PPP1R12B: variants seen among roughly 807,000 people sequenced by gnomAD.
PPP1R12B encodes myosin phosphatase target subunit 2.
PPP1R12B carries 76 observed loss-of-function variants against 126.1 expected under a neutral mutation model. The observed-to-expected ratio is 0.60, with a 90% CI of 0.50 to 0.73. The LOEUF is 0.73. Ranked by LOEUF, PPP1R12B falls within the 30% of genes least tolerant of loss-of-function variation. PPP1R12B has a pLI of 0.00. For synonymous variants in PPP1R12B, 356 were observed against 434.7 expected (o/e 0.82, Z 2.25); for missense variants, 1,052 against 1,205.1 (o/e 0.87, Z 1.88).
chr1:202,502,241 A>G, intron 18 of PPP1R12B: 3 of 984,412 alleles, frequency 3.0e-6, no homozygotes, highest in Non-Finnish European at 3.6e-6. Context: ...TTACTAAATT[A>G]TAGATATCAA....
chr1:202,506,226 T>C (rs981502770), intron 18 of PPP1R12B, among the ~76,000 whole-genome samples: 1 of 152,228 alleles, frequency 6.6e-6, no homozygotes, highest in African/African-American at 2.4e-5. Flanking sequence ...TTCCTCTCAC[T>C]GTACATTTGC....
At chr1:202,409,601 TGACCCAC>T (rs377689875) in intron 1 of PPP1R12B, among the ~76,000 whole-genome samples, 2 of 152,222 alleles carry the variant, frequency 1.3e-5, no homozygotes, top group African/African-American at 4.8e-5. Flanking sequence ...ATTACAGGTG[TGACCCAC>T]AACGCCCAGC....
chr1:202,572,922 T>G (rs1056778644), intron 23 of PPP1R12B, among the ~76,000 whole-genome samples: 2 of 152,212 alleles, frequency 1.3e-5, no homozygotes, highest in Non-Finnish European at 2.9e-5. Flanking sequence ...TTGACCAGAT[T>G]GTTTCCTGCC....
intron 1 of PPP1R12B, among the ~76,000 whole-genome samples, chr1:202,401,918 T>A (rs191683338): frequency 3.9e-3 from 595 of 152,328 alleles, no homozygotes; most frequent in Non-Finnish European, 5.4e-3. Context: ...TAACACACAC[T>A]CTTTCCTTAA....
intron 14 of PPP1R12B, among the ~76,000 whole-genome samples, chr1:202,490,215 A>C (rs1678677402): frequency 6.6e-6 from 1 of 152,230 alleles, no homozygotes. Context: ...AGCAGCATGG[A>C]AGTGAATGAA....
At position 202,431,682 on chromosome 1, in the gene PPP1R12B, G is replaced by A. The variant is rs16849974; in HGVS notation, c.1141+63G>A. The A allele has an allele frequency of 1.0e-3, 1,497 of 1,478,800 alleles. 9 individuals carry two copies. In the African/African-American group the frequency reaches 0.016, roughly 16 times the overall value. 91.6% of individuals were successfully genotyped at this position (1,478,800 alleles called of 1,614,324 possible). On this transcript the variant is annotated intron_variant, in intron 8 of 23. Coordinates refer to ENST00000608999, the MANE Select transcript of PPP1R12B (RefSeq NM_002481.4). ...CCATAGTGTAAGAAGATTACTCCTTGTCAGAGAGCTAGCCAGGCCTCACAG... is the reference window on the plus strand; with the variant it reads ...CCATAGTGTAAGAAGATTACTCCTTATCAGAGAGCTAGCCAGGCCTCACAG...
rs552381159 is a variant in PPP1R12B at position 202,434,689 on chromosome 1, A to G, written c.1175A>G (p.Asn392Ser). 2.5e-6 allele frequency: 4 copies of G among 1,613,476 alleles called. No individual in the cohort carries two copies. The Admixed American group carries it at 5.0e-5, about 20-fold the overall frequency. ...KKPEAFVNHS[N>S]SESKSSITEQ... is the part of the protein sequence containing the mutation. ...CCAGAAGCCTTTGTCAATCATTCCA[A>G]CTCTGAAAGCAAGAGTAGTATCACA... is the stretch of plus-strand genomic sequence containing the variant. Residue 392 changes from asparagine to serine, a missense_variant, in exon 9 of 24, where the codon AAC (asparagine) becomes AGC (serine). Transcript: ENST00000608999.
chr1:202,563,767 T>G (rs1011212773), intron 20 of PPP1R12B, among the ~76,000 whole-genome samples: 3 of 152,166 alleles, frequency 2.0e-5, no homozygotes, highest in Non-Finnish European at 4.4e-5. Context: ...AAAAACTATT[T>G]TTGTAAAGAA....
Position 202,361,820 on chromosome 1 carries a change from A to G in PPP1R12B, c.291+12678A>G, listed in dbSNP as rs1053734390. Among the ~76,000 whole-genome samples the G allele has an allele frequency of 5.3e-5, 8 of 152,204 alleles. No individual in the cohort carries two copies. In the South Asian group the frequency reaches 6.2e-4, roughly 12 times the overall value. ...GAGACCTGCTTTATAAGAGATAGGA[A>G]GAGTGTCCATTCTAGCTACATCAGT... is the stretch of plus-strand genomic sequence containing the variant. On this transcript the variant is annotated intron_variant, in intron 1 of 23. Transcript: ENST00000608999.
intron 1 of PPP1R12B, among the ~76,000 whole-genome samples, chr1:202,365,701 C>T (rs1473378866): frequency 1.3e-5 from 2 of 152,152 alleles, no homozygotes; most frequent in Non-Finnish European, 2.9e-5. Context: ...CCTGGCTCAC[C>T]TCTCCATTTA....
At chr1:202,401,390 T>TTG (rs1665824727) in intron 1 of PPP1R12B, among the ~76,000 whole-genome samples, 3 of 140,114 alleles carry the variant, frequency 2.1e-5, no homozygotes, top group Non-Finnish European at 4.5e-5. Flanking sequence ...TTTTTTTTTT[T>TTG]GTAGAGATAG....
rs1167254509 is a variant in PPP1R12B, at chr1:202,583,885, A to G, written c.*3325A>G. 6.6e-6 allele frequency: 1 copy of G among 152,226 alleles called. No individual in the cohort carries two copies. The highest frequency in any genetic ancestry group is 2.4e-5 in the African/African-American group (1 of 41,462). 9.4% of individuals were successfully genotyped at this position (152,226 alleles called of 1,614,324 possible). ...ATGAAATATCAGAATGGGAAAGAGA[A>G]TGTTCCTGGTAAAACTCTGTTTTCA... On this transcript the variant is annotated 3_prime_UTR_variant, in exon 24 of 24. Transcript: ENST00000608999.
chr1:202,448,006 T>C (rs1005899069), intron 12 of PPP1R12B, among the ~76,000 whole-genome samples: 18 of 152,244 alleles, frequency 1.2e-4, no homozygotes, highest in African/African-American at 4.1e-4. Flanking sequence ...CTAGGTACCA[T>C]ATTTATATTT....
Position 202,434,652 on chromosome 1 carries a change from A to G in PPP1R12B, c.1142-4A>G, listed in dbSNP as rs113901561. The G allele has an allele frequency of 1.3e-4, 210 of 1,607,558 alleles. No homozygotes were observed. The African/African-American group carries it at 1.8e-3, about 14-fold the overall frequency. Reference sequence around the variant, plus strand: ...CTTGTTAATTCTCTTGTCTTAAATAACAGATAAAAAGCCAGAAGCCTTTGT... The same window carrying G: ...CTTGTTAATTCTCTTGTCTTAAATAGCAGATAAAAAGCCAGAAGCCTTTGT... On this transcript the variant is annotated splice_polypyrimidine_tract_variant and splice_region_variant and intron_variant, in intron 8 of 23. Transcript: ENST00000608999.
intron 1 of PPP1R12B, among the ~76,000 whole-genome samples, chr1:202,414,306 C>T (rs1667785708): frequency 6.6e-6 from 1 of 152,198 alleles, no homozygotes; most frequent in African/African-American, 2.4e-5. Flanking sequence ...AAACTGAAAC[C>T]ATGTCAATGG....
chr1:202,535,065 G>A (rs1684402737), intron 18 of PPP1R12B, among the ~76,000 whole-genome samples: 1 of 151,986 alleles, frequency 6.6e-6, no homozygotes, highest in Non-Finnish European at 1.5e-5. Context: ...ATGTGTGTGT[G>A]TGTGTGTGTG....
chr1:202,493,051 G>C (rs192800704), intron 14 of PPP1R12B, 63 bp from the exon 15 acceptor site: 1 of 1,526,048 alleles, frequency 6.6e-7, no homozygotes, highest in East Asian at 2.3e-5. Context: ...GAATATTCCT[G>C]ATCAATCAAG....
At chr1:202,518,881 G>C (rs898412848) in intron 18 of PPP1R12B, among the ~76,000 whole-genome samples, 1 of 152,292 alleles carries the variant, frequency 6.6e-6, no homozygotes, top group Admixed American at 6.5e-5. Context: ...GGCTATTTCA[G>C]CTCTGGTGGA....
chr1:202,494,107 G>T (rs1376197970), intron 15 of PPP1R12B, among the ~76,000 whole-genome samples: 1 of 152,184 alleles, frequency 6.6e-6, no homozygotes, highest in Non-Finnish European at 1.5e-5. Context: ...ACTGATAAAT[G>T]TTATGGTCAC....
Sources: allele counts gnomAD v4.1 joint callset (sites outside exome capture counted in the v4.1 genomes callset), GRCh38; gene constraint gnomAD v4.1.1; transcripts MANE v1.5; gene names NCBI Gene and HGNC (gene_info 2026-07-23, HGNC 2026-07-21).